The following MED12L variants were observed in gnomAD, a reference collection of about 807,000 sequenced individuals.
The protein encoded by MED12L is mediator complex subunit 12L.
In MED12L, 60 loss-of-function variants were observed where a neutral mutation model predicts 281.3. The observed-to-expected ratio is 0.21, with a 90% confidence interval of 0.17 to 0.26. The LOEUF is 0.26. Ranked by LOEUF, MED12L falls within the 10% of genes least tolerant of loss-of-function variation. MED12L has a pLI of 1.00. For synonymous variants in MED12L, 974 were observed against 987.2 expected (o/e 0.99, Z 0.25); for missense variants, 2,146 against 2,680.9 (o/e 0.80, Z 4.41).
chr3:151,185,281 G>T (rs772150364), intron 11 of MED12L, 49 bp from the exon 12 acceptor site: 1 of 1,584,686 alleles, frequency 6.3e-7, no homozygotes, highest in Admixed American at 1.7e-5. Context: ...CTCTTGCTGG[G>T]TGAATGTTTC....
chr3:151,223,190 A>AAAAC (rs9289833), intron 16 of MED12L, among the ~76,000 whole-genome samples: 1 of 150,302 alleles, frequency 6.7e-6, no homozygotes, highest in Non-Finnish European at 1.5e-5. Context: ...AAAAAAAAAA[A>AAAAC]CTAGATGTCA....
At chr3:151,430,872 A>T (rs568285787) in intron 44 of MED12L, among the ~76,000 whole-genome samples, 3 of 150,522 alleles carry the variant, frequency 2.0e-5, no homozygotes, top group African/African-American at 7.3e-5. Context: ...CTATAACATC[A>T]TACACAGCAT....
rs905282368 is a variant in MED12L, at chr3:151,127,897, A to G, written c.469A>G (p.Thr157Ala). Residue 157 changes from threonine to alanine, a missense_variant, in exon 5 of 45, where the codon ACG (threonine) becomes GCG (alanine). Coordinates refer to ENST00000687756, the MANE Select transcript of MED12L (RefSeq NM_001393769.1). ...AKYSVPMVRATWLIKMTCAYY... is the reference protein window; with the variant it reads ...AKYSVPMVRAAWLIKMTCAYY... ...ATATTCTGTGCCAATGGTTCGAGCA[A>G]CGTGGCTGATCAAGATGACTTGTGC... 2.5e-6 allele frequency: 4 copies of G among 1,613,998 alleles called. No individual in the cohort carries two copies. In the South Asian group the frequency reaches 3.3e-5, roughly 13 times the overall value.
Position 151,411,317 on chromosome 3 carries a change from C to G in MED12L, c.5950C>G (p.Pro1984Ala), listed in dbSNP as rs2108356344. 1 of 1,614,208 alleles carries G rather than the reference C, an allele frequency of 6.2e-7. No homozygotes were observed. The highest frequency in any genetic ancestry group is 1.1e-5 in the South Asian group (1 of 91,078). Residue 1984 changes from proline (P) to alanine (A), a missense_variant, in exon 41 of 45, where the codon CCT becomes GCT. Coordinates refer to ENST00000687756, the MANE Select transcript of MED12L (RefSeq NM_001393769.1). ...QGYTMYGTQM[P>A]LQQTSQQQAG... is the part of the protein sequence containing the mutation. ...CTATACAATGTATGGGACACAGATG[C>G]CTTTGCAGCAGACATCGCAGCAGCA...
chr3:151,394,102 A>G (rs1332493637), intron 38 of MED12L, among the ~76,000 whole-genome samples: 1 of 152,210 alleles, frequency 6.6e-6, no homozygotes. Flanking sequence ...TTAGCCTTCA[A>G]AAAAGATGTT....
chr3:151,380,613 AAAC>A (rs1323895723), intron 32 of MED12L, among the ~76,000 whole-genome samples: 116 of 151,924 alleles, frequency 7.6e-4, no homozygotes, highest in Non-Finnish European at 9.1e-4. Context: ...AAAAAAAAAA[AAAC>A]AACTAGTAAG....
At chr3:151,354,836 C>T (rs1753713964) in intron 17 of MED12L, among the ~76,000 whole-genome samples, 1 of 152,094 alleles carries the variant, frequency 6.6e-6, no homozygotes, top group African/African-American at 2.4e-5. Context: ...TATATGATTT[C>T]CTTTATATAT....
chr3:151,152,766 A>G (rs1718725027), intron 5 of MED12L, among the ~76,000 whole-genome samples: 1 of 152,214 alleles, frequency 6.6e-6, no homozygotes, highest in Admixed American at 6.5e-5. Context: ...AATATGTGGC[A>G]GATCTGAGAT....
intron 16 of MED12L, among the ~76,000 whole-genome samples, chr3:151,253,532 A>G (rs1046581485): frequency 1.3e-5 from 2 of 152,154 alleles, no homozygotes; most frequent in African/African-American, 4.8e-5. Context: ...CTTACTGAGA[A>G]TGAATGGTTT....
At chr3:151,379,252 C>G (rs550362286) in intron 31 of MED12L, among the ~76,000 whole-genome samples, 1 of 152,190 alleles carries the variant, frequency 6.6e-6, no homozygotes, top group Non-Finnish European at 1.5e-5. Flanking sequence ...TTCCCATAGG[C>G]AGGACAGATG....
chr3:151,375,755 A>G (rs1324231524), intron 27 of MED12L, among the ~76,000 whole-genome samples: 1 of 152,142 alleles, frequency 6.6e-6, no homozygotes, highest in East Asian at 1.9e-4. Context: ...CTTACTTTCC[A>G]GTTAAAAACA....
chr3:151,181,193 T>G (rs770414225), intron 11 of MED12L, among the ~76,000 whole-genome samples: 10 of 152,162 alleles, frequency 6.6e-5, no homozygotes, highest in Non-Finnish European at 1.2e-4. Context: ...AAATATGTAT[T>G]TTATCTCTTT....
intron 2 of MED12L, among the ~76,000 whole-genome samples, chr3:151,109,492 T>A (rs142468038): frequency 6.6e-6 from 1 of 152,348 alleles, no homozygotes; most frequent in Admixed American, 6.5e-5. Flanking sequence ...CTTGTTATTT[T>A]AGTCGAAACC....
intron 11 of MED12L, among the ~76,000 whole-genome samples, chr3:151,172,880 G>A (rs371201462): frequency 4.6e-5 from 7 of 152,312 alleles, no homozygotes; most frequent in Non-Finnish European, 1.0e-4. Flanking sequence ...CAAAGGAAGC[G>A]TTGCTAGTCT....
At chr3:151,217,745 G>T (rs2149248149) in intron 16 of MED12L, among the ~76,000 whole-genome samples, 1 of 152,230 alleles carries the variant, frequency 6.6e-6, no homozygotes, top group Non-Finnish European at 1.5e-5. Context: ...GAAATTCCAA[G>T]ATACTCTTGG....
chr3:151,185,232 A>G, intron 11 of MED12L, 98 bp from the exon 12 acceptor site: 2 of 1,160,776 alleles, frequency 1.7e-6, no homozygotes, highest in South Asian at 2.0e-5. Context: ...CATGGAAAAA[A>G]GCTTTAAAGT....
chr3:151,196,967 A>G (rs1295159509), intron 16 of MED12L, among the ~76,000 whole-genome samples: 2 of 152,192 alleles, frequency 1.3e-5, no homozygotes, highest in African/African-American at 4.8e-5. Context: ...CGGTTTTTAT[A>G]TGGGCTTATT....
At chr3:151,367,541 G>T in intron 23 of MED12L, 105 bp from the exon 24 acceptor site, 1 of 990,126 alleles carries the variant, frequency 1.0e-6, no homozygotes. Flanking sequence ...GTTCATGTTG[G>T]GATTTGAGAT....
chr3:151,376,623 G>T, intron 28 of MED12L, among the ~76,000 whole-genome samples, 177 bp from the exon 29 acceptor site: 1 of 152,090 alleles, frequency 6.6e-6, no homozygotes, highest in East Asian at 1.9e-4. Flanking sequence ...TCTGTTTATT[G>T]GTTTGTATCG....
Sources: allele counts gnomAD v4.1 joint callset (sites outside exome capture counted in the v4.1 genomes callset), GRCh38; gene constraint gnomAD v4.1.1; transcripts MANE v1.5; gene names NCBI Gene and HGNC (gene_info 2026-07-23, HGNC 2026-07-21).